Variants in SIM1 observed in about 807,000 individuals in gnomAD.
The protein encoded by SIM1 is SIM bHLH transcription factor 1, also known as single-minded homolog 1.
A neutral mutation model predicts 78.2 loss-of-function variants in SIM1; 18 were observed. That is an observed-to-expected ratio of 0.23 (90% CI 0.16 to 0.34). SIM1 has a LOEUF of 0.34. Among genes scored for constraint, SIM1 ranks in the 10% least tolerant of loss-of-function variants. The pLI is 1.00. For synonymous variants in SIM1, 417 were observed against 385.2 expected (o/e 1.08, Z -0.97); for missense variants, 939 against 975.1 (o/e 0.96, Z 0.49).
At chr6:100,450,156 G>A (rs1246761498) in intron 4 of SIM1, 111 bp downstream of exon 4, 16 of 819,840 alleles carry the variant, frequency 2.0e-5, no homozygotes, top group Non-Finnish European at 3.1e-5. Context: ...GCTGTGAGAT[G>A]TCCAGCTCCA....
At chr6:100,460,930 G>T in intron 2 of SIM1, among the ~76,000 whole-genome samples, 1 of 152,188 alleles carries the variant, frequency 6.6e-6, no homozygotes, top group East Asian at 1.9e-4. Context: ...ACCCTGTCTA[G>T]CTCACTGGGT....
chr6:100,461,628 G>A (rs1273370212), intron 2 of SIM1, among the ~76,000 whole-genome samples: 5 of 152,192 alleles, frequency 3.3e-5, no homozygotes. Context: ...AATCCTGTTA[G>A]GAACAGTGCG....
chr6:100,394,027 G>A (rs1770712398), intron 10 of SIM1, 138 bp from the exon 11 acceptor site: 5 of 820,062 alleles, frequency 6.1e-6, no homozygotes, highest in Non-Finnish European at 9.0e-6. Flanking sequence ...CAAAATAACC[G>A]TTGCTTTGGC....
chr6:100,408,263 T>C (rs1462255228), intron 10 of SIM1, among the ~76,000 whole-genome samples: 2 of 152,066 alleles, frequency 1.3e-5, no homozygotes, highest in Non-Finnish European at 2.9e-5. Flanking sequence ...CATATATATG[T>C]GGGTTTATTT....
At chr6:100,431,065 A>T (rs1270366310) in intron 9 of SIM1, among the ~76,000 whole-genome samples, 2 of 152,172 alleles carry the variant, frequency 1.3e-5, no homozygotes, top group Non-Finnish European at 2.9e-5. Context: ...TTTCTGTACA[A>T]CACAAAGACA....
intron 10 of SIM1, among the ~76,000 whole-genome samples, chr6:100,419,291 T>C (rs1771499653): frequency 6.6e-6 from 1 of 152,210 alleles, no homozygotes; most frequent in South Asian, 2.1e-4. Context: ...GCATCACACA[T>C]CTACTCTCCT....
intron 10 of SIM1, among the ~76,000 whole-genome samples, chr6:100,407,805 T>C (rs1284430734): frequency 2.0e-5 from 3 of 152,086 alleles, no homozygotes; most frequent in Non-Finnish European, 2.9e-5. Context: ...TCCTTCTTCT[T>C]TTCTTTCTTT....
chr6:100,393,556 C>G lies in SIM1; in HGVS notation c.1501G>C (p.Ala501Pro), dbSNP rs772132314. 4.4e-6 allele frequency: 7 copies of G among 1,606,564 alleles called. No individual in the cohort carries two copies. The highest frequency in any genetic ancestry group is 4.0e-5 in the African/African-American group (3 of 74,706). Reference sequence around the variant, plus strand: ...TAGGCTTCTCTGCTTTCTGGGGAGGCCTTTGTCAGGGGCAAGGCTGCGCGA... The same window carrying G: ...TAGGCTTCTCTGCTTTCTGGGGAGGGCTTTGTCAGGGGCAAGGCTGCGCGA... ...GSRAALPLTK[A>P]SPESREAYEN... The change falls in exon 11 of 12, where the codon GCC (alanine) becomes CCC (proline). Residue 501 changes from alanine to proline, a missense_variant. Transcript: ENST00000369208.
At chr6:100,462,122 C>T (rs1340699881) in intron 2 of SIM1, among the ~76,000 whole-genome samples, 1 of 151,948 alleles carries the variant, frequency 6.6e-6, no homozygotes, top group African/African-American at 2.4e-5. Context: ...AACTGCAAAC[C>T]CAATAATGAC....
chr6:100,417,567 T>C (rs1771436514), intron 10 of SIM1, among the ~76,000 whole-genome samples: 1 of 152,200 alleles, frequency 6.6e-6, no homozygotes, highest in Admixed American at 6.5e-5. Context: ...GATAAGATTT[T>C]TGAGAAGCTA....
intron 6 of SIM1, among the ~76,000 whole-genome samples, chr6:100,448,926 C>T (rs1352269170): frequency 6.6e-6 from 1 of 152,160 alleles, no homozygotes; most frequent in African/African-American, 2.4e-5. Flanking sequence ...CCTAACGCAT[C>T]CGAATAGCGA....
chr6:100,461,637 C>A lies in SIM1; in HGVS notation c.175+1657G>T, dbSNP rs117083010. Reference sequence around the variant, plus strand: ...GCTAATAATCCTGTTAGGAACAGTGCGGCCAGCGGAGTTCGCAATAGCTTT... The same window carrying A: ...GCTAATAATCCTGTTAGGAACAGTGAGGCCAGCGGAGTTCGCAATAGCTTT... On this transcript the variant is annotated intron_variant, in intron 2 of 11. Coordinates refer to ENST00000369208, the MANE Select transcript of SIM1 (RefSeq NM_005068.3). Among the ~76,000 whole-genome samples, 149 of 152,230 alleles carry A rather than the reference C, an allele frequency of 9.8e-4. 2 individuals carry two copies. The East Asian group carries it at 0.018, about 18-fold the overall frequency.
Position 100,416,281 on chromosome 6 carries a change from T to G in SIM1, c.1167+4509A>C, listed in dbSNP as rs368288476. ...CTTACAGTGGTAGCAAATTACAATT[T>G]GTGCATGTCTTGCATATTAGTATAA... On this transcript the variant is annotated intron_variant, in intron 10 of 11. Coordinates refer to ENST00000369208, the MANE Select transcript of SIM1 (RefSeq NM_005068.3). Among the ~76,000 whole-genome samples the G allele has an allele frequency of 3.3e-5, 5 of 151,676 alleles. No homozygotes were observed. The East Asian group carries it at 7.7e-4, about 23-fold the overall frequency.
chr6:100,396,222 G>T, intron 10 of SIM1: 1 of 202,110 alleles, frequency 4.9e-6, no homozygotes, highest in Non-Finnish European at 8.8e-6. Flanking sequence ...CCATCCATGT[G>T]CTTGCCTCAG....
At position 100,385,501 on chromosome 6, in the gene SIM1, G is replaced by A. The variant is rs1196209695; in HGVS notation, c.*4860C>T. On this transcript the variant is annotated 3_prime_UTR_variant, in exon 12 of 12. Coordinates refer to ENST00000369208, the MANE Select transcript of SIM1 (RefSeq NM_005068.3). Reference sequence around the variant, plus strand: ...AGGGTTACCGGGTGTAAGTTTAACAGTGATTACATGTGTCCCAGGTCAGCA... The same window carrying A: ...AGGGTTACCGGGTGTAAGTTTAACAATGATTACATGTGTCCCAGGTCAGCA... 6.6e-6 allele frequency: 1 copy of A among 151,918 alleles called. No homozygotes were observed. The highest frequency in any genetic ancestry group is 1.5e-5 in the Non-Finnish European group (1 of 67,924). 9.4% of individuals were successfully genotyped at this position (151,918 alleles called of 1,614,324 possible). A position where few individuals can be genotyped will look rare whatever the true frequency, so the allele number is the denominator to read the frequency against.
intron 9 of SIM1, among the ~76,000 whole-genome samples, chr6:100,425,813 T>C (rs1771711363): frequency 6.6e-6 from 1 of 152,168 alleles, no homozygotes; most frequent in African/African-American, 2.4e-5. Flanking sequence ...GCATGCTCAG[T>C]AGAATCATGT....
chr6:100,394,206 C>A lies in SIM1; in HGVS notation c.1168-317G>T, dbSNP rs150070358. 3.2e-3 allele frequency among the ~76,000 whole-genome samples: 489 copies of A among 152,258 alleles called. 1 individual carries two copies. Among genetic ancestry groups the A allele is most frequent in the African/African-American group, 0.011 (467 of 41,542 alleles). On this transcript the variant is annotated intron_variant, in intron 10 of 11. Transcript: ENST00000369208. ...ATATGAACTATCCACTTAGCTCCTG[C>A]AGTAAACCCTTAATGGCGCTATTAG... is the stretch of plus-strand genomic sequence containing the variant.
intron 10 of SIM1, among the ~76,000 whole-genome samples, chr6:100,401,861 A>G (rs1256376810): frequency 1.3e-5 from 2 of 152,214 alleles, no homozygotes; most frequent in Non-Finnish European, 2.9e-5. Flanking sequence ...AATCGTTTAA[A>G]TCTTTGTTTT....
At chr6:100,438,349 C>T (rs1387299867) in intron 9 of SIM1, among the ~76,000 whole-genome samples, 4 of 152,132 alleles carry the variant, frequency 2.6e-5, no homozygotes, top group South Asian at 2.1e-4. Flanking sequence ...AGCCAACAAA[C>T]GTATGAAGAA....
Sources: allele counts gnomAD v4.1 joint callset (sites outside exome capture counted in the v4.1 genomes callset), GRCh38; gene constraint gnomAD v4.1.1; transcripts MANE v1.5; gene names NCBI Gene and HGNC (gene_info 2026-07-23, HGNC 2026-07-21).